ZNF407: variants seen among roughly 807,000 people sequenced by gnomAD.
The protein encoded by ZNF407 is zinc finger protein 407.
In ZNF407, 17 loss-of-function variants were observed where a neutral mutation model predicts 131.2. The ratio of observed to expected loss-of-function variants is 0.13; its 90% CI spans 0.09 to 0.19. The LOEUF (loss-of-function observed/expected upper bound fraction) is 0.19, where lower values mean the gene tolerates loss of function less well. ZNF407 is among the 10% of genes least tolerant of loss of function. The probability of loss-of-function intolerance (pLI) is 1.00; values close to 1 mark genes in which losing one functional copy is unlikely to be tolerated. For synonymous variants in ZNF407, 1,156 were observed against 1,062.0 expected, an observed-to-expected ratio of 1.09 and a Z score of -1.72; for missense variants, 2,681 against 2,830.6, an observed-to-expected ratio of 0.95 and a Z score of 1.20.
intron 8 of ZNF407, among the ~76,000 whole-genome samples, chr18:75,003,662 A>G (rs1176076489): frequency 6.6e-6 from 1 of 152,244 alleles, no homozygotes; most frequent in East Asian, 1.9e-4. Context: ...AAGCATGTTC[A>G]GGAGGTCACA....
chr18:74,890,167 A>G (rs1971364832), intron 7 of ZNF407, 129 bp downstream of exon 7: 1 of 1,085,086 alleles, frequency 9.2e-7, no homozygotes, highest in African/African-American at 1.6e-5. Context: ...GGAGCTAATT[A>G]CCTAATTTTA....
intron 8 of ZNF407, among the ~76,000 whole-genome samples, chr18:74,969,918 C>T (rs561165351): frequency 3.0e-4 from 46 of 152,236 alleles, no homozygotes; most frequent in East Asian, 1.2e-3. Flanking sequence ...TCCGTTTGCA[C>T]GCTGTTGATA....
chr18:74,890,283 C>T (rs1971366434), intron 7 of ZNF407, among the ~76,000 whole-genome samples: 1 of 152,050 alleles, frequency 6.6e-6, no homozygotes, highest in African/African-American at 2.4e-5. Flanking sequence ...ACGTGTAGAG[C>T]CTCTTTCGTT....
At chr18:74,952,974 G>T (rs1972233093) in intron 8 of ZNF407, among the ~76,000 whole-genome samples, 1 of 152,178 alleles carries the variant, frequency 6.6e-6, no homozygotes, top group East Asian at 1.9e-4. Context: ...TGGTCATTTG[G>T]GCTTGGAGTG....
At chr18:74,787,468 C>A (rs547074233) in intron 4 of ZNF407, among the ~76,000 whole-genome samples, 1 of 152,322 alleles carries the variant, frequency 6.6e-6, no homozygotes, top group South Asian at 2.1e-4. Context: ...CAAAAGTCAG[C>A]ATCTGTGCTG....
At chr18:74,846,775 C>T (rs1038099831) in intron 4 of ZNF407, among the ~76,000 whole-genome samples, 13 of 151,720 alleles carry the variant, frequency 8.6e-5, no homozygotes, top group African/African-American at 2.2e-4. Context: ...TGGCGGAACA[C>T]GAGGTCAGGA....
intron 3 of ZNF407, among the ~76,000 whole-genome samples, chr18:74,777,745 C>G (rs1418187006): frequency 1.2e-5 from 1 of 84,188 alleles, no homozygotes; most frequent in Non-Finnish European, 3.0e-5. Context: ...CTCTCTCTCT[C>G]TCTCTCATTC....
chr18:74,848,844 G>C lies in ZNF407; in HGVS notation c.4878-28353G>C, dbSNP rs1434156775. 4.6e-5 allele frequency among the ~76,000 whole-genome samples: 7 copies of C among 152,192 alleles called. No individual in the cohort carries two copies. The South Asian group carries it at 1.5e-3, about 32-fold the overall frequency. On this transcript the variant is annotated intron_variant, in intron 4 of 8. Transcript: ENST00000299687. Reference sequence around the variant, plus strand: ...TTCATAGAGGCTATTCATAAGCTGTGTCCCTGGGACAAGTTTCTAAACCAT... The same window carrying C: ...TTCATAGAGGCTATTCATAAGCTGTCTCCCTGGGACAAGTTTCTAAACCAT...
At chr18:74,690,266 C>G (rs1323219747) in intron 3 of ZNF407, among the ~76,000 whole-genome samples, 2 of 152,070 alleles carry the variant, frequency 1.3e-5, no homozygotes, top group African/African-American at 4.8e-5. Flanking sequence ...AGAATAATTC[C>G]TTTACAAGGA....
intron 4 of ZNF407, among the ~76,000 whole-genome samples, chr18:74,800,559 C>A (rs1007886747): frequency 1.3e-5 from 2 of 152,056 alleles, no homozygotes; most frequent in Non-Finnish European, 2.9e-5. Flanking sequence ...TCCTTGCCAT[C>A]TATGGCCTTC....
At chr18:74,818,585 C>T (rs778039891) in intron 4 of ZNF407, among the ~76,000 whole-genome samples, 5 of 152,122 alleles carry the variant, frequency 3.3e-5, no homozygotes, top group South Asian at 2.1e-4. Context: ...CTAAAATAAG[C>T]GAAGCTCCTT....
chr18:74,968,696 G>T (rs1396459082), intron 8 of ZNF407, among the ~76,000 whole-genome samples: 1 of 152,050 alleles, frequency 6.6e-6, no homozygotes, highest in Non-Finnish European at 1.5e-5. Flanking sequence ...TTTCTTTCTG[G>T]TTGATTTCAA....
chr18:75,005,740 T>C (rs1317736269), intron 8 of ZNF407, among the ~76,000 whole-genome samples: 1 of 115,192 alleles, frequency 8.7e-6, no homozygotes, highest in African/African-American at 3.4e-5. Flanking sequence ...AGAATTACTT[T>C]CTTATCATAC....
chr18:74,839,026 A>G (rs1442011772), intron 4 of ZNF407, among the ~76,000 whole-genome samples: 1 of 152,188 alleles, frequency 6.6e-6, no homozygotes, highest in Non-Finnish European at 1.5e-5. Flanking sequence ...AAAAATACAT[A>G]TATCTCTAAA....
intron 3 of ZNF407, among the ~76,000 whole-genome samples, chr18:74,778,821 C>T (rs1447629644): frequency 4.6e-5 from 7 of 151,904 alleles, no homozygotes; most frequent in African/African-American, 9.7e-5. Context: ...GATCAGTAAA[C>T]GTGATGAGAC....
chr18:74,902,135 G>T (rs1455681447), intron 7 of ZNF407, among the ~76,000 whole-genome samples: 1 of 152,168 alleles, frequency 6.6e-6, no homozygotes, highest in East Asian at 1.9e-4. Flanking sequence ...GAAGACTGTT[G>T]GAGCAATTCA....
chr18:74,600,259 C>T (rs1982522658), intron 1 of ZNF407, among the ~76,000 whole-genome samples: 4 of 152,154 alleles, frequency 2.6e-5, no homozygotes, highest in Admixed American at 2.0e-4. Context: ...GAACTGGATT[C>T]AGAAAATAGG....
At chr18:74,941,616 G>A (rs1464082918) in intron 8 of ZNF407, among the ~76,000 whole-genome samples, 1 of 152,208 alleles carries the variant, frequency 6.6e-6, no homozygotes, top group East Asian at 1.9e-4. Context: ...GAGTTGCTGA[G>A]AATGGTATTA....
At chr18:75,025,199 G>A (rs1429963154) in intron 8 of ZNF407, among the ~76,000 whole-genome samples, 2 of 152,066 alleles carry the variant, frequency 1.3e-5, no homozygotes, top group Admixed American at 6.6e-5. Context: ...TGTACAGCTT[G>A]GCAAAATTTG....
Sources: allele counts gnomAD v4.1 joint callset (sites outside exome capture counted in the v4.1 genomes callset), GRCh38; gene constraint gnomAD v4.1.1; transcripts MANE v1.5; gene names NCBI Gene and HGNC (gene_info 2026-07-23, HGNC 2026-07-21).